PRDM5: variants seen among roughly 807,000 people sequenced by gnomAD.
PRDM5 encodes PR domain zinc finger protein 5.
PRDM5 carries 56 observed loss-of-function variants against 81.2 expected under a neutral mutation model. The observed-to-expected ratio is 0.69, with a 90% CI of 0.56 to 0.86. The LOEUF is 0.86. Among genes scored for constraint, PRDM5 ranks in the 40% least tolerant of loss-of-function variants. The pLI is 0.00. For synonymous variants in PRDM5, 267 were observed against 256.4 expected (o/e 1.04, Z -0.39); for missense variants, 697 against 770.1 (o/e 0.91, Z 1.12).
At chr4:120,860,897 G>A (rs1187264418) in intron 2 of PRDM5, among the ~76,000 whole-genome samples, 2 of 152,148 alleles carry the variant, frequency 1.3e-5, no homozygotes, top group Non-Finnish European at 2.9e-5. Context: ...CCTCAGCAAC[G>A]ATTCATAAGA....
chr4:120,734,399 C>CACACACACACACAAAT (rs1390235604), intron 14 of PRDM5, among the ~76,000 whole-genome samples: 33 of 144,852 alleles, frequency 2.3e-4, no homozygotes, highest in African/African-American at 8.3e-4. Context: ...GGAACACACA[C>CACACACACACACAAAT]ACACACACAC....
At chr4:120,915,329 A>G (rs532866715) in intron 1 of PRDM5, among the ~76,000 whole-genome samples, 1 of 152,326 alleles carries the variant, frequency 6.6e-6, no homozygotes, top group Non-Finnish European at 1.5e-5. Context: ...TAACATTTTA[A>G]CAACTTGCTA....
rs148765138 is a variant in PRDM5, at chr4:120,826,371, C to T, written c.301-5026G>A. Among the ~76,000 whole-genome samples the T allele has an allele frequency of 4.4e-4, 67 of 152,258 alleles. 1 individual carries two copies. The highest frequency in any genetic ancestry group is 1.1e-3 in the African/African-American group (46 of 41,568). Reference sequence around the variant, plus strand: ...CCTTCAAGAAACTTTCTCTAATCTACTAAATTCATGTAGGAACTTTTAATT... The same window carrying T: ...CCTTCAAGAAACTTTCTCTAATCTATTAAATTCATGTAGGAACTTTTAATT... On this transcript the variant is annotated intron_variant, in intron 3 of 15. Coordinates refer to ENST00000264808, the MANE Select transcript of PRDM5 (RefSeq NM_018699.4).
At chr4:120,699,871 C>T (rs934019890) in intron 15 of PRDM5, among the ~76,000 whole-genome samples, 2 of 151,872 alleles carry the variant, frequency 1.3e-5, no homozygotes, top group East Asian at 3.9e-4. Context: ...AATGCCATTA[C>T]TATCAAATAT....
At chr4:120,858,353 C>T (rs1760125064) in intron 2 of PRDM5, among the ~76,000 whole-genome samples, 1 of 152,028 alleles carries the variant, frequency 6.6e-6, no homozygotes, top group Admixed American at 6.5e-5. Context: ...TTTAGGAGCA[C>T]AAAAAAGCAA....
At chr4:120,756,527 T>C (rs917753759) in intron 13 of PRDM5, among the ~76,000 whole-genome samples, 1 of 152,132 alleles carries the variant, frequency 6.6e-6, no homozygotes, top group African/African-American at 2.4e-5. Flanking sequence ...AAGAACATTA[T>C]AGTAATAGCA....
At chr4:120,843,303 C>T (rs10026006) in intron 3 of PRDM5, among the ~76,000 whole-genome samples, 15,323 of 152,122 alleles carry the variant, frequency 0.1, 1,789 homozygotes, top group African/African-American at 0.28. Context: ...CACTGCATCA[C>T]TCCAGCCTGG....
chr4:120,894,675 G>A (rs1328854922), intron 2 of PRDM5, among the ~76,000 whole-genome samples: 1 of 151,930 alleles, frequency 6.6e-6, no homozygotes, highest in Non-Finnish European at 1.5e-5. Flanking sequence ...GTATTTTCAG[G>A]GTTTAAAACT....
At chr4:120,809,357 C>T (rs1247988361) in intron 8 of PRDM5, among the ~76,000 whole-genome samples, 3 of 151,636 alleles carry the variant, frequency 2.0e-5, no homozygotes, top group Non-Finnish European at 4.4e-5. Context: ...CAAACCTGCA[C>T]GTTGTGCACA....
intron 8 of PRDM5, among the ~76,000 whole-genome samples, chr4:120,809,393 A>T (rs969062483): frequency 2.7e-5 from 4 of 148,088 alleles, no homozygotes; most frequent in Non-Finnish European, 6.1e-5. Flanking sequence ...AAAGTATAAT[A>T]AAAAAATACT....
intron 8 of PRDM5, among the ~76,000 whole-genome samples, chr4:120,807,287 T>C (rs1753123689): frequency 6.6e-6 from 1 of 152,230 alleles, no homozygotes; most frequent in Admixed American, 6.5e-5. Flanking sequence ...TGGAAGACAG[T>C]GTAGTGATTC....
chr4:120,803,930 C>A (rs58423388), intron 8 of PRDM5, among the ~76,000 whole-genome samples: 2 of 152,110 alleles, frequency 1.3e-5, no homozygotes, highest in Non-Finnish European at 2.9e-5. Context: ...AGAGTCAACA[C>A]CCATCAGTGT....
chr4:120,843,007 G>C (rs544137179), intron 3 of PRDM5, among the ~76,000 whole-genome samples: 74 of 152,206 alleles, frequency 4.9e-4, no homozygotes, highest in Non-Finnish European at 3.1e-4. Context: ...AAACATCTGA[G>C]AGCAGGCAAA....
At chr4:120,892,761 C>T (rs1764197430) in intron 2 of PRDM5, among the ~76,000 whole-genome samples, 1 of 152,206 alleles carries the variant, frequency 6.6e-6, no homozygotes, top group Non-Finnish European at 1.5e-5. Context: ...GTTGTGCCTG[C>T]CAGCTAAGTT....
Position 120,760,044 on chromosome 4 carries a change from G to A in PRDM5, c.1538-5406C>T, listed in dbSNP as rs188357242. Reference sequence around the variant, plus strand: ...AAATGAGGAAAGTAAGGCACAGAAAGGATAAGTAATTTTCTCAAGATGACA... The same window carrying A: ...AAATGAGGAAAGTAAGGCACAGAAAAGATAAGTAATTTTCTCAAGATGACA... On this transcript the variant is annotated intron_variant, in intron 13 of 15. Coordinates refer to ENST00000264808, the MANE Select transcript of PRDM5 (RefSeq NM_018699.4). 1.9e-4 allele frequency among the ~76,000 whole-genome samples: 29 copies of A among 152,284 alleles called. No homozygotes were observed. The East Asian group carries it at 5.4e-3, about 28-fold the overall frequency.
intron 8 of PRDM5, among the ~76,000 whole-genome samples, chr4:120,806,780 T>C (rs191455956): frequency 2.8e-4 from 43 of 152,258 alleles, no homozygotes; most frequent in Admixed American, 1.3e-3. Context: ...ATTCAGGACA[T>C]AGGCATGGGC....
At chr4:120,751,346 T>G (rs189231732) in intron 14 of PRDM5, among the ~76,000 whole-genome samples, 1 of 150,478 alleles carries the variant, frequency 6.6e-6, no homozygotes, top group African/African-American at 2.4e-5. Context: ...TCAATAGAAA[T>G]TAGAAACAGA....
intron 1 of PRDM5, among the ~76,000 whole-genome samples, chr4:120,920,416 T>C (rs1044010930): frequency 6.6e-6 from 1 of 152,210 alleles, no homozygotes; most frequent in Non-Finnish European, 1.5e-5. Context: ...TAAATCTCTC[T>C]TCTCAGATCC....
intron 1 of PRDM5, among the ~76,000 whole-genome samples, chr4:120,911,297 T>C (rs902296796): frequency 1.3e-5 from 2 of 152,208 alleles, no homozygotes; most frequent in Non-Finnish European, 2.9e-5. Flanking sequence ...ACTGATTTTT[T>C]ACACTGTCAA....
Sources: gnomAD v4.1 joint callset for allele counts (sites outside exome capture counted in the v4.1 genomes callset) on GRCh38, gnomAD v4.1.1 for gene constraint, MANE v1.5 for transcripts, NCBI Gene and HGNC (gene_info 2026-07-23, HGNC 2026-07-21) for gene names.